The following NTM variants were observed in gnomAD, a reference collection of about 807,000 sequenced individuals.
The protein encoded by NTM is IgLON family member 2.
A neutral mutation model predicts 42.1 loss-of-function variants in NTM; 13 were observed. That is an observed-to-expected ratio of 0.31 (90% confidence interval 0.20 to 0.49). NTM has a LOEUF of 0.49. Ranked by LOEUF, NTM falls within the 20% of genes least tolerant of loss-of-function variation. The pLI is 0.99. For missense variants in NTM, 373 were observed against 452.8 expected, an observed-to-expected ratio of 0.82 and a Z score of 1.60; for synonymous variants, 187 against 179.2, an observed-to-expected ratio of 1.04 and a Z score of -0.35.
intron 1 of NTM, among the ~76,000 whole-genome samples, chr11:131,373,463 A>T (rs190706027): frequency 1.3e-5 from 2 of 152,178 alleles, no homozygotes; most frequent in African/African-American, 4.8e-5. Context: ...CCAGCAACCA[A>T]GATCCAGCTT....
At chr11:131,547,817 A>C (rs1466482299) in intron 1 of NTM, among the ~76,000 whole-genome samples, 1 of 152,170 alleles carries the variant, frequency 6.6e-6, no homozygotes, top group Non-Finnish European at 1.5e-5. Flanking sequence ...CCTGCACATC[A>C]ATCTTATCTC....
intron 1 of NTM, among the ~76,000 whole-genome samples, chr11:131,427,568 C>T (rs78750004): frequency 0.045 from 6,891 of 152,304 alleles, 210 homozygotes; most frequent in Middle Eastern, 0.082. Flanking sequence ...GTAAATGTGA[C>T]TGGGCCTCCC....
chr11:132,074,206 A>G lies in NTM; in HGVS notation c.168-72076A>G, dbSNP rs568034027. Among the ~76,000 whole-genome samples, 13 of 152,334 alleles carry G rather than the reference A, an allele frequency of 8.5e-5. No individual in the cohort carries two copies. In the Middle Eastern group the frequency reaches 0.01, roughly 120 times the overall value. On this transcript the variant is annotated intron_variant, in intron 2 of 8. Transcript: ENST00000683400. ...ATTTGAAGCAAAATGGCTGATGGCA[A>G]GGAAACTCTTGACTGACTTACAGGC...
At chr11:131,592,032 T>C (rs1362501011) in intron 1 of NTM, among the ~76,000 whole-genome samples, 2 of 152,178 alleles carry the variant, frequency 1.3e-5, no homozygotes, top group East Asian at 3.9e-4. Flanking sequence ...TTGCCCCTGG[T>C]TGGATAATGA....
intron 2 of NTM, among the ~76,000 whole-genome samples, chr11:131,919,243 G>A (rs938815325): frequency 4.0e-5 from 6 of 151,862 alleles, no homozygotes; most frequent in East Asian, 1.9e-4. Context: ...ATAGAACATC[G>A]TCCTTGTGTT....
chr11:131,851,517 C>A (rs1383200716), intron 1 of NTM, among the ~76,000 whole-genome samples: 1 of 148,456 alleles, frequency 6.7e-6, no homozygotes, highest in East Asian at 2.0e-4. Context: ...ACATCACATG[C>A]CCTGGTGAGA....
intron 2 of NTM, among the ~76,000 whole-genome samples, chr11:132,041,522 A>G (rs1392913350): frequency 6.6e-6 from 1 of 152,208 alleles, no homozygotes; most frequent in Non-Finnish European, 1.5e-5. Context: ...GTCTCTGGGC[A>G]TTAATGTGCT....
intron 3 of NTM, among the ~76,000 whole-genome samples, chr11:132,179,882 G>A (rs1315946688): frequency 6.6e-6 from 1 of 152,176 alleles, no homozygotes; most frequent in Non-Finnish European, 1.5e-5. Context: ...TGTGGACACT[G>A]GGAGCAGACT....
At chr11:131,390,276 A>G (rs1351971781) in intron 1 of NTM, among the ~76,000 whole-genome samples, 1 of 152,122 alleles carries the variant, frequency 6.6e-6, no homozygotes, top group Non-Finnish European at 1.5e-5. Context: ...AGAATCCATT[A>G]CTTTGAGGAG....
intron 2 of NTM, among the ~76,000 whole-genome samples, chr11:132,078,575 A>C (rs1428205863): frequency 3.9e-5 from 6 of 152,240 alleles, no homozygotes; most frequent in Non-Finnish European, 8.8e-5. Flanking sequence ...AGAGACATGA[A>C]AGAAAGCAGC....
chr11:131,383,939 C>T (rs990485493), intron 1 of NTM, among the ~76,000 whole-genome samples: 14 of 152,092 alleles, frequency 9.2e-5, no homozygotes, highest in African/African-American at 2.4e-5. Context: ...GAAGGAGAGA[C>T]ATGGGGGTAT....
intron 2 of NTM, among the ~76,000 whole-genome samples, chr11:132,019,602 AT>A (rs1274713078): frequency 1.3e-5 from 2 of 151,870 alleles, no homozygotes; most frequent in East Asian, 3.9e-4. Flanking sequence ...CTTAAAGTTT[AT>A]TTTTTTCTGG....
chr11:131,414,210 T>C (rs1339613923), intron 1 of NTM, among the ~76,000 whole-genome samples: 1 of 152,218 alleles, frequency 6.6e-6, no homozygotes, highest in Non-Finnish European at 1.5e-5. Context: ...CATGTTACAC[T>C]GTGGCTCTGT....
chr11:131,764,094 C>T (rs887714052), intron 1 of NTM, among the ~76,000 whole-genome samples: 6 of 151,996 alleles, frequency 3.9e-5, no homozygotes, highest in Non-Finnish European at 7.4e-5. Context: ...AATAATAAAA[C>T]TAAATAATAG....
At chr11:131,560,677 G>A (rs2056111525) in intron 1 of NTM, among the ~76,000 whole-genome samples, 1 of 152,132 alleles carries the variant, frequency 6.6e-6, no homozygotes, top group African/African-American at 2.4e-5. Context: ...AACCTTTAAG[G>A]CCATCTCAAT....
chr11:132,051,101 T>C (rs1435900580), intron 2 of NTM, among the ~76,000 whole-genome samples: 2 of 152,218 alleles, frequency 1.3e-5, no homozygotes, highest in African/African-American at 4.8e-5. Context: ...TCAGTTTGAA[T>C]TGTAACCCTG....
chr11:132,103,732 G>A (rs140809037), intron 2 of NTM, among the ~76,000 whole-genome samples: 162 of 152,272 alleles, frequency 1.1e-3, no homozygotes, highest in African/African-American at 3.8e-3. Context: ...CTGTACCACT[G>A]AGTGGCTGTG....
chr11:131,858,588 A>C (rs2136929132), intron 1 of NTM, among the ~76,000 whole-genome samples: 1 of 152,284 alleles, frequency 6.6e-6, no homozygotes, highest in East Asian at 1.9e-4. Flanking sequence ...TCGGATGGTA[A>C]GTTAAGTGAG....
chr11:131,975,682 G>A (rs1312432216), intron 2 of NTM, among the ~76,000 whole-genome samples: 11 of 152,098 alleles, frequency 7.2e-5, no homozygotes, highest in Admixed American at 1.3e-4. Flanking sequence ...TGCCTGAGTT[G>A]GTGTAAATGT....
Sources: gnomAD v4.1 joint callset for allele counts (sites outside exome capture counted in the v4.1 genomes callset) on GRCh38, gnomAD v4.1.1 for gene constraint, MANE v1.5 for transcripts, NCBI Gene and HGNC (gene_info 2026-07-23, HGNC 2026-07-21) for gene names.